PCDHGB6: variants seen among roughly 807,000 people sequenced by gnomAD.
PCDHGB6 encodes the protein protocadherin gamma-B6.
Under a neutral mutation model 59.1 loss-of-function variants are expected in PCDHGB6, and 51 were observed. The ratio of observed to expected loss-of-function variants is 0.86; its 90% CI spans 0.69 to 1.09. PCDHGB6 has a LOEUF of 1.09. Ranked by LOEUF, PCDHGB6 falls within the 50% of genes least tolerant of loss-of-function variation. The pLI, the probability that PCDHGB6 is intolerant of heterozygous loss-of-function variation, is 0.00. For missense variants in PCDHGB6, 1,148 were observed against 1,205.1 expected (o/e 0.95, Z 0.70); for synonymous variants, 466 against 495.1 (o/e 0.94, Z 0.78).
chr5:141,492,078 C>T (rs948391194), intron 1 of PCDHGB6: 4 of 483,290 alleles, frequency 8.3e-6, no homozygotes, highest in African/African-American at 2.0e-5. Flanking sequence ...GCGCCGGCTC[C>T]GGCACGCTTC....
chr5:141,432,495 C>G lies in PCDHGB6; in HGVS notation c.2418+21875C>G. 1.2e-6 allele frequency: 2 copies of G among 1,614,182 alleles called. No individual in the cohort carries two copies. The highest frequency in any genetic ancestry group is 1.7e-6 in the Non-Finnish European group (2 of 1,180,048). On this transcript the variant is annotated intron_variant, in intron 1 of 3. Coordinates refer to ENST00000520790, the MANE Select transcript of PCDHGB6 (RefSeq NM_018926.3). The surrounding 1 kb of genome is among the most constrained non-coding windows in gnomAD (Gnocchi z 6.0). ...GGTTCCACTGGCGTGGAGCTGGCTC[C>G]CCGCTCCGCAGAGCCCGGCTACCTG...
chr5:141,416,101 C>CT (rs34144584), intron 1 of PCDHGB6: 1 of 158,972 alleles, frequency 6.3e-6, no homozygotes, highest in Non-Finnish European at 1.4e-5. Context: ...GGCAATAGGC[C>CT]TTTTTCAAAC....
At chr5:141,421,303 G>C in intron 1 of PCDHGB6, 1 of 1,613,660 alleles carries the variant, frequency 6.2e-7, no homozygotes, top group Non-Finnish European at 8.5e-7. Context: ...GACGCTGCGG[G>C]GGTTCCGGGC....
At chr5:141,442,452 CA>C (rs2098325918) in intron 1 of PCDHGB6, 1 of 152,226 alleles carries the variant, frequency 6.6e-6, no homozygotes, top group Admixed American at 6.5e-5. Flanking sequence ...GACTCAATAG[CA>C]GTTTCACTGC....
Position 141,476,845 on chromosome 5 carries a change from C to T in PCDHGB6, c.2419-17962C>T. On this transcript the variant is annotated intron_variant, in intron 1 of 3. Transcript: ENST00000520790. The surrounding 1 kb of genome is among the most constrained non-coding windows in gnomAD (Gnocchi z 7.6). ...TGGACGCGAATGACAATGCGCCTGT[C>T]TTCAACCAGTCCTTGTACCGGGCGC... 1 of 1,613,794 alleles carries T rather than the reference C, an allele frequency of 6.2e-7. No homozygotes were observed. Among genetic ancestry groups the T allele is most frequent in the Non-Finnish European group, 8.5e-7 (1 of 1,180,054 alleles).
intron 1 of PCDHGB6, among the ~76,000 whole-genome samples, chr5:141,472,402 G>A (rs569497172): frequency 8.5e-5 from 13 of 152,160 alleles, no homozygotes; most frequent in South Asian, 2.1e-4. Context: ...TTAGCCAGGC[G>A]TGGTGGCACG....
rs760572189 is a variant in PCDHGB6 at position 141,477,159 on chromosome 5, A to G, written c.2419-17648A>G. ...GTGGAGGTTGTGGATGTGAATGACA[A>G]CGCCCCGGAGATCACAGTCACCTCC... is the stretch of plus-strand genomic sequence containing the variant. On this transcript the variant is annotated intron_variant, in intron 1 of 3. Transcript: ENST00000520790. The surrounding 1 kb of genome is among the most constrained non-coding windows in gnomAD (Gnocchi z 4.9). The G allele has an allele frequency of 1.7e-5, 28 of 1,613,854 alleles. No individual in the cohort carries two copies. In the South Asian group the frequency reaches 3.1e-4, roughly 18 times the overall value.
rs776543767 is a variant in PCDHGB6 at position 141,432,028 on chromosome 5, C to G, written c.2418+21408C>G. The G allele has an allele frequency of 6.2e-7, 1 of 1,614,168 alleles. No homozygotes were observed. The highest frequency in any genetic ancestry group is 2.2e-5 in the East Asian group (1 of 44,882). On this transcript the variant is annotated intron_variant, in intron 1 of 3. Transcript: ENST00000520790. This position sits in a 1 kb window ranked among gnomAD's most constrained non-coding sequence, Gnocchi z 6.0. ...TTCCTAGCTACAACATCACAGTGAC[C>G]GCCACTGACCGGGGAACCCCGCCCC...
intron 1 of PCDHGB6, among the ~76,000 whole-genome samples, chr5:141,474,130 C>G (rs28684928): frequency 6.6e-6 from 1 of 152,160 alleles, no homozygotes; most frequent in Non-Finnish European, 1.5e-5. Context: ...TCTCAGAAAA[C>G]TACAGGCCTT....
At chr5:141,441,368 G>A (rs1215599443) in intron 1 of PCDHGB6, 2 of 152,598 alleles carry the variant, frequency 1.3e-5, no homozygotes, top group African/African-American at 2.4e-5. Flanking sequence ...TGGGGCCGTG[G>A]ACCAGGAACA....
intron 1 of PCDHGB6, chr5:141,414,124 G>T (rs1214312992): frequency 6.3e-7 from 1 of 1,592,872 alleles, no homozygotes; most frequent in East Asian, 2.3e-5. Flanking sequence ...TGAAGAAACC[G>T]GTTTCTATGA....
intron 1 of PCDHGB6, among the ~76,000 whole-genome samples, chr5:141,472,245 T>A (rs1217786736): frequency 6.6e-6 from 1 of 152,144 alleles, no homozygotes; most frequent in East Asian, 1.9e-4. Context: ...ACTTTCTATT[T>A]TAAAGTTATA....
Position 141,432,917 on chromosome 5 carries a change from C to A in PCDHGB6, c.2418+22297C>A. 6.2e-7 allele frequency: 1 copy of A among 1,614,166 alleles called. No homozygotes were observed. Among genetic ancestry groups the A allele is most frequent in the South Asian group, 1.1e-5 (1 of 91,086 alleles). On this transcript the variant is annotated intron_variant, in intron 1 of 3. Transcript: ENST00000520790. This position sits in a 1 kb window ranked among gnomAD's most constrained non-coding sequence, Gnocchi z 6.0. The stretch of plus-strand genomic sequence containing the variant: ...GCTGGCGCTCAGGCTGCGGCGCTGG[C>A]ACAAGTCACGCCTGCTGCAGGCTTC...
rs112156044 is a variant in PCDHGB6, at chr5:141,476,771, G to C, written c.2419-18036G>C. ...CCAGTTAGTGCTGACGGCGTTGGAC[G>C]GAGGGACCCCAGCTCTCTCCGCCAG... On this transcript the variant is annotated intron_variant, in intron 1 of 3. Coordinates refer to ENST00000520790, the MANE Select transcript of PCDHGB6 (RefSeq NM_018926.3). The surrounding 1 kb of genome is among the most constrained non-coding windows in gnomAD (Gnocchi z 7.6). 1.1e-5 allele frequency: 18 copies of C among 1,613,700 alleles called. 1 individual carries two copies. In the South Asian group the frequency reaches 1.3e-4, roughly 12 times the overall value.
chr5:141,432,586 C>T lies in PCDHGB6; in HGVS notation c.2418+21966C>T. The T allele has an allele frequency of 1.9e-6, 3 of 1,613,852 alleles. No homozygotes were observed. Among genetic ancestry groups the T allele is most frequent in the Non-Finnish European group, 2.5e-6 (3 of 1,179,972 alleles). On this transcript the variant is annotated intron_variant, in intron 1 of 3. Transcript: ENST00000520790. The surrounding 1 kb of genome is among the most constrained non-coding windows in gnomAD (Gnocchi z 6.0). ...ACGCCTGGCTGTCCTACCGTCTGCT[C>T]AAGGCCAGCGAGCCGGGACTCTTCT...
chr5:141,433,080 A>T lies in PCDHGB6; in HGVS notation c.2418+22460A>T, dbSNP rs1315049041. 4.3e-6 allele frequency: 7 copies of T among 1,614,174 alleles called. No homozygotes were observed. The East Asian group carries it at 1.6e-4, about 36-fold the overall frequency. ...AGTCACCTGATCTTCCCCCAGCCCA[A>T]CTATGCAGACATGCTCGTCAGCCAG... On this transcript the variant is annotated intron_variant, in intron 1 of 3. Transcript: ENST00000520790.
At position 141,409,205 on chromosome 5, in the gene PCDHGB6, A is replaced by G. The variant is rs766592481; in HGVS notation, c.1003A>G (p.Ile335Val). The part of the protein sequence containing the change: ...GGLSTQCKVI[I>V]EILDENDNSP... ...TCTCTCTACCCAGTGTAAAGTAATC[A>G]TAGAAATCCTTGATGAAAACGACAA... Residue 335 changes from isoleucine (I) to valine (V), a missense_variant, in exon 1 of 4, where the codon ATA becomes GTA. Coordinates refer to ENST00000520790, the MANE Select transcript of PCDHGB6 (RefSeq NM_018926.3). The G allele has an allele frequency of 1.9e-6, 3 of 1,614,068 alleles. No individual in the cohort carries two copies. Among genetic ancestry groups the G allele is most frequent in the Non-Finnish European group, 1.7e-6 (2 of 1,179,906 alleles).
At chr5:141,495,013 T>C (rs2099758300) in intron 2 of PCDHGB6, 148 bp downstream of exon 2, 12 of 1,511,014 alleles carry the variant, frequency 7.9e-6, no homozygotes, top group Non-Finnish European at 1.1e-5. Context: ...TGCGGGGGGC[T>C]GGCACACAGA....
At chr5:141,414,117 A>T (rs764001135) in intron 1 of PCDHGB6, 2 of 1,592,602 alleles carry the variant, frequency 1.3e-6, no homozygotes, top group Non-Finnish European at 1.7e-6. Flanking sequence ...TAGATTATGA[A>T]GAAACCGGTT....
Sources: allele counts gnomAD v4.1 joint callset (sites outside exome capture counted in the v4.1 genomes callset), GRCh38; gene constraint gnomAD v4.1.1; non-coding constraint Gnocchi (gnomAD v3.1); transcripts MANE v1.5; gene names NCBI Gene and HGNC (gene_info 2026-07-23, HGNC 2026-07-21).